Variants in ZNF600 observed in about 807,000 individuals in gnomAD.
The protein encoded by ZNF600 is zinc finger protein KR-ZNF1.
A neutral mutation model predicts 7.3 loss-of-function variants in ZNF600; 4 were observed. That is an observed-to-expected ratio of 0.55 (90% CI 0.27 to 1.25). ZNF600 has a LOEUF of 1.25. ZNF600 is among the 50% of genes most tolerant of loss of function. The pLI, the probability that ZNF600 is intolerant of heterozygous loss-of-function variation, is 0.12. For missense variants in ZNF600, 911 were observed against 922.1 expected (o/e 0.99, Z 0.16); for synonymous variants, 290 against 308.9 (o/e 0.94, Z 0.64).
At chr19:52,801,343 T>C in the ZNF600 span, 42 of 1,614,076 alleles carry the variant, frequency 2.6e-5, no homozygotes, top group South Asian at 7.7e-5. Context: ...GCATTGTTGA[T>C]AGACTTCTCA....
chr19:52,828,838 A>G, the ZNF600 span, among the ~76,000 whole-genome samples: 2 of 152,132 alleles, frequency 1.3e-5, no homozygotes, highest in African/African-American at 2.4e-5. Flanking sequence ...GAATAAGACC[A>G]GTGCCTTTAT....
chr19:52,773,546 G>C (rs1257939523), intron 3 of ZNF600, among the ~76,000 whole-genome samples: 1 of 152,120 alleles, frequency 6.6e-6, no homozygotes, highest in Admixed American at 6.5e-5. Flanking sequence ...GAAGAAGGAT[G>C]CCCTGGCTGA....
exon 4 of ZNF600, chr19:52,767,135 G>A (rs1175718575): frequency 5.6e-6 from 9 of 1,614,004 alleles, no homozygotes; most frequent in Middle Eastern, 1.6e-4. Flanking sequence ...ATCTACAATG[G>A]CATGTAAGGT....
the ZNF600 span, among the ~76,000 whole-genome samples, chr19:52,831,603 C>T: frequency 8.6e-5 from 13 of 151,746 alleles, no homozygotes; most frequent in South Asian, 2.1e-4. Flanking sequence ...CCCAGATTCA[C>T]GCCACTCTCC....
the ZNF600 span, among the ~76,000 whole-genome samples, chr19:52,815,620 C>T: frequency 2.3e-4 from 34 of 146,452 alleles, 2 homozygotes; most frequent in Middle Eastern, 6.9e-3. Context: ...GTCAGGAGAT[C>T]GAGACCATCC....
chr19:52,770,441 C>CAAAT (rs970737527), intron 3 of ZNF600, among the ~76,000 whole-genome samples: 1 of 152,098 alleles, frequency 6.6e-6, no homozygotes, highest in Admixed American at 6.6e-5. Context: ...GACTCCATCT[C>CAAAT]AAATAAATAA....
chr19:52,802,338 A>G, the ZNF600 span, among the ~76,000 whole-genome samples: 1 of 151,920 alleles, frequency 6.6e-6, no homozygotes, highest in Admixed American at 6.6e-5. Context: ...ACTGCACTCC[A>G]GCCCAGGTGA....
intron 1 of ZNF600, among the ~76,000 whole-genome samples, chr19:52,783,486 G>C (rs552949469): frequency 1.3e-5 from 2 of 150,446 alleles, no homozygotes; most frequent in African/African-American, 4.9e-5. Flanking sequence ...CTCAGCCTCC[G>C]GAGCAGCCGG....
upstream of ZNF600, among the ~76,000 whole-genome samples, chr19:52,788,797 A>T (rs562880082): frequency 3.3e-5 from 5 of 152,362 alleles, no homozygotes; most frequent in South Asian, 1.0e-3. Flanking sequence ...GACAGATGAG[A>T]ATCACCTGCA....
intron 1 of ZNF600, among the ~76,000 whole-genome samples, chr19:52,786,364 C>CGCCGCGCT (rs1241316112): frequency 2.0e-5 from 3 of 152,112 alleles, no homozygotes; most frequent in African/African-American, 7.2e-5. Flanking sequence ...GGGGCCGGGG[C>CGCCGCGCT]GCCGCGCTCC....
intron 3 of ZNF600, among the ~76,000 whole-genome samples, chr19:52,771,398 C>T (rs150676204): frequency 0.023 from 3,511 of 152,010 alleles, 144 homozygotes; most frequent in African/African-American, 0.081. Flanking sequence ...TGCAGTGGCA[C>T]GACTCTCCTA....
chr19:52,796,049 G>A, the ZNF600 span, among the ~76,000 whole-genome samples: 1 of 152,242 alleles, frequency 6.6e-6, no homozygotes, highest in African/African-American at 2.4e-5. Flanking sequence ...ATGGCGCATG[G>A]CTGTGGTCCC....
intron 1 of ZNF600, among the ~76,000 whole-genome samples, chr19:52,784,811 C>T (rs1350351646): frequency 6.6e-6 from 1 of 152,208 alleles, no homozygotes; most frequent in African/African-American, 2.4e-5. Flanking sequence ...TCACAGCAGC[C>T]TGGAGCTCCT....
At chr19:52,797,762 T>A in the ZNF600 span, 1 of 152,246 alleles carries the variant, frequency 6.6e-6, no homozygotes, top group Non-Finnish European at 1.5e-5. Context: ...GCTCAATGAT[T>A]ATATAACCGA....
At chr19:52,775,692 G>T (rs1490763078) in intron 2 of ZNF600, among the ~76,000 whole-genome samples, 1 of 152,160 alleles carries the variant, frequency 6.6e-6, no homozygotes, top group Admixed American at 6.5e-5. Flanking sequence ...CAACGGCTTT[G>T]AATGAAAAGT....
the ZNF600 span, among the ~76,000 whole-genome samples, chr19:52,824,364 G>A: frequency 1.3e-5 from 2 of 152,144 alleles, no homozygotes; most frequent in Non-Finnish European, 2.9e-5. Context: ...ACTGGTCGCG[G>A]TGGCTCATGC....
Position 52,781,471 on chromosome 19 carries a change from A to T in ZNF600, c.-19-2564T>A, listed in dbSNP as rs2062721083. 1 of 152,186 alleles carries T rather than the reference A, an allele frequency of 6.6e-6. No homozygotes were observed. The highest frequency in any genetic ancestry group is 6.5e-5 in the Admixed American group (1 of 15,276). 9.4% of individuals were successfully genotyped at this position (152,186 alleles called of 1,614,324 possible). On this transcript the variant is annotated intron_variant, in intron 1 of 3. Coordinates refer to ENST00000648973, the Ensembl canonical transcript of ZNF600. Reference sequence around the variant, plus strand: ...GGCTGCCTTGGTCTTCCTCCTCTAGAAAATTCCAAGACCAGCCAGGATTGG... The same window carrying T: ...GGCTGCCTTGGTCTTCCTCCTCTAGTAAATTCCAAGACCAGCCAGGATTGG...
the ZNF600 span, chr19:52,810,826 T>C: frequency 1.4e-4 from 36 of 255,824 alleles, 1 homozygote; most frequent in Non-Finnish European, 2.5e-4. Context: ...ATATATATAT[T>C]TTTAAAAAAA....
At chr19:52,800,926 CTT>C in the ZNF600 span, 1 of 1,613,994 alleles carries the variant, frequency 6.2e-7, no homozygotes, top group Non-Finnish European at 8.5e-7. Context: ...CGACTGAAAA[CTT>C]TGTCACATTC....
Sources: gnomAD v4.1 joint callset for allele counts (sites outside exome capture counted in the v4.1 genomes callset) on GRCh38, gnomAD v4.1.1 for gene constraint, MANE v1.5 for transcripts, NCBI Gene and HGNC (gene_info 2026-07-23, HGNC 2026-07-21) for gene names.